TTC3: variants seen among roughly 807,000 people sequenced by gnomAD.
TTC3 encodes tetratricopeptide repeat domain 3, also known as E3 ubiquitin-protein ligase TTC3.
Under a neutral mutation model 249.6 loss-of-function variants are expected in TTC3, and 180 were observed. The observed-to-expected ratio is 0.72, with a 90% CI of 0.64 to 0.82. The LOEUF (loss-of-function observed/expected upper bound fraction) is 0.82. Ranked by LOEUF, TTC3 falls within the 40% of genes least tolerant of loss-of-function variation. The pLI is 0.00. For missense variants in TTC3, 2,061 were observed against 2,398.4 expected (o/e 0.86, Z 2.94); for synonymous variants, 717 against 805.0 (o/e 0.89, Z 1.85).
intron 39 of TTC3, 79 bp from the exon 40 acceptor site, chr21:37,191,255 C>T: frequency 1.1e-6 from 1 of 939,136 alleles, no homozygotes; most frequent in South Asian, 1.8e-5. Flanking sequence ...CTCTTTTGCT[C>T]ATGTTTAGAT....
chr21:37,136,057 G>A (rs1253093664), intron 18 of TTC3, among the ~76,000 whole-genome samples: 1 of 151,996 alleles, frequency 6.6e-6, no homozygotes, highest in Non-Finnish European at 1.5e-5. Context: ...TTATTTTGGG[G>A]CACTACAATC....
At chr21:37,097,477 T>C (rs2074052719) in intron 10 of TTC3, among the ~76,000 whole-genome samples, 1 of 152,166 alleles carries the variant, frequency 6.6e-6, no homozygotes, top group Non-Finnish European at 1.5e-5. Context: ...CCAAGCTACA[T>C]AGGCATAAGG....
chr21:37,180,173 T>C (rs1310391928), intron 35 of TTC3, among the ~76,000 whole-genome samples: 1 of 152,218 alleles, frequency 6.6e-6, no homozygotes, highest in Non-Finnish European at 1.5e-5. Context: ...GGTTTGTTTT[T>C]ATGTTTTATA....
chr21:37,144,943 A>G (rs1054205731), intron 21 of TTC3, among the ~76,000 whole-genome samples: 10 of 152,220 alleles, frequency 6.6e-5, no homozygotes, highest in Admixed American at 1.3e-4. Context: ...TGATGCACTC[A>G]AGGTGAAACA....
intron 1 of TTC3, 84 bp from the exon 2 acceptor site, chr21:37,087,163 T>C: frequency 6.8e-7 from 1 of 1,471,178 alleles, no homozygotes; most frequent in Non-Finnish European, 9.2e-7. Context: ...AGTATTTTTC[T>C]AATATACCAT....
intron 16 of TTC3, among the ~76,000 whole-genome samples, chr21:37,129,692 G>A (rs1267255919): frequency 6.6e-6 from 1 of 152,024 alleles, no homozygotes; most frequent in South Asian, 2.1e-4. Context: ...GTGCAGTGGT[G>A]TAACCCTAGC....
chr21:37,095,814 G>C lies in TTC3; in HGVS notation c.782+370G>C, dbSNP rs184618529. 4.6e-3 allele frequency among the ~76,000 whole-genome samples: 695 copies of C among 152,276 alleles called. 9 individuals carry two copies. The highest frequency in any genetic ancestry group is 6.3e-3 in the Non-Finnish European group (430 of 68,016). ...AATAGTTAAGATGCCACCCATTCAGGGTTTTTTGCTTTCTAAGAGGGAACT... is the reference window on the plus strand; with the variant it reads ...AATAGTTAAGATGCCACCCATTCAGCGTTTTTTGCTTTCTAAGAGGGAACT... On this transcript the variant is annotated intron_variant, in intron 9 of 45. Coordinates refer to ENST00000355666, the Ensembl canonical transcript of TTC3.
intron 36 of TTC3, among the ~76,000 whole-genome samples, chr21:37,185,429 CT>C (rs1248502733): frequency 5.3e-5 from 8 of 152,128 alleles, no homozygotes; most frequent in African/African-American, 1.7e-4. Context: ...GTGTTCTCTG[CT>C]TGAGCTGCAC....
rs2070315910 is a variant in TTC3 at position 37,073,478 on chromosome 21, G to C, written c.-12+114G>C. 1 of 986,220 alleles carries C rather than the reference G, an allele frequency of 1.0e-6. No individual in the cohort carries two copies. Among genetic ancestry groups the C allele is most frequent in the Non-Finnish European group, 1.2e-6 (1 of 830,512 alleles). 61.1% of individuals were successfully genotyped at this position (986,220 alleles called of 1,614,324 possible). On this transcript the variant is annotated intron_variant, in intron 1 of 45. Coordinates refer to ENST00000355666, the Ensembl canonical transcript of TTC3. The stretch of plus-strand genomic sequence containing the variant: ...CACCCCCTCCGTGGGTGTGTGGTGA[G>C]TGTGGGTGTGTGCGCGTCTCCTCGC...
chr21:37,120,080 G>A (rs747917219), intron 11 of TTC3, among the ~76,000 whole-genome samples: 4 of 152,092 alleles, frequency 2.6e-5, no homozygotes, highest in East Asian at 3.8e-4. Flanking sequence ...CACTTCCACC[G>A]TGCCGTCCAT....
chr21:37,126,191 C>T lies in TTC3; in HGVS notation c.1297+48C>T, dbSNP rs200626300. On this transcript the variant is annotated intron_variant, in intron 15 of 45. Transcript: ENST00000355666. ...TTGTTGCCAAGTTAATATAATGTCT[C>T]CTAAATTTGGATGCCCTACAATGTG... is the stretch of plus-strand genomic sequence containing the variant. The T allele has an allele frequency of 7.6e-6, 12 of 1,579,050 alleles. No individual in the cohort carries two copies. In the East Asian group the frequency reaches 2.0e-4, roughly 27 times the overall value.
intron 1 of TTC3, 110 bp downstream of exon 1, chr21:37,073,583 C>A: frequency 1.2e-6 from 1 of 828,272 alleles, no homozygotes. Context: ...TTGCCTACCC[C>A]AGTGGGTTTG....
In TTC3 at chr21:37,105,478, C is replaced by G. The variant is rs770919187; in HGVS notation, c.846-2914C>G. ...AGGATGGCTGCTGTAATTCAGACAT[C>G]TTTAGCAGAAGAAGGACAACTTTGT... On this transcript the variant is annotated intron_variant, in intron 10 of 45. Coordinates refer to ENST00000355666, the Ensembl canonical transcript of TTC3. 3.2e-4 allele frequency among the ~76,000 whole-genome samples: 48 copies of G among 152,152 alleles called. 1 individual carries two copies. The highest frequency in any genetic ancestry group is 6.3e-4 in the Non-Finnish European group (43 of 68,032).
At chr21:37,088,977 A>G in intron 5 of TTC3, 91 bp downstream of exon 5, 1 of 1,122,048 alleles carries the variant, frequency 8.9e-7, no homozygotes. Flanking sequence ...AATTTATAGC[A>G]ATTAACAGGT....
At chr21:37,099,671 G>A (rs2074286167) in intron 10 of TTC3, among the ~76,000 whole-genome samples, 1 of 152,218 alleles carries the variant, frequency 6.6e-6, no homozygotes, top group Admixed American at 6.5e-5. Flanking sequence ...TTGAGAGGAT[G>A]TGGAACAAAG....
chr21:37,073,299 C>CGAA (rs1212371573), exon 1 of TTC3: 5 of 293,788 alleles, frequency 1.7e-5, no homozygotes, highest in Non-Finnish European at 2.3e-5. Context: ...CCGGAGGTGG[C>CGAA]GGCGGCGGCG....
At chr21:37,154,188 G>A (rs1037870192) in intron 27 of TTC3, among the ~76,000 whole-genome samples, 2 of 152,222 alleles carry the variant, frequency 1.3e-5, no homozygotes, top group Non-Finnish European at 2.9e-5. Context: ...GCAGCTATTA[G>A]ATAAGAGGCT....
chr21:37,135,065 A>G (rs1372330893), intron 17 of TTC3, among the ~76,000 whole-genome samples: 2 of 152,206 alleles, frequency 1.3e-5, no homozygotes, highest in Non-Finnish European at 2.9e-5. Context: ...TTTTTCATAT[A>G]TATTGTTAAA....
At chr21:37,094,495 C>T (rs1004895779) in intron 8 of TTC3, among the ~76,000 whole-genome samples, 2 of 152,086 alleles carry the variant, frequency 1.3e-5, no homozygotes, top group Non-Finnish European at 2.9e-5. Context: ...ATTGAGTGTT[C>T]GAAATGAAAA....
Sources: gnomAD v4.1 joint callset for allele counts (sites outside exome capture counted in the v4.1 genomes callset) on GRCh38, gnomAD v4.1.1 for gene constraint, MANE v1.5 for transcripts, NCBI Gene and HGNC (gene_info 2026-07-23, HGNC 2026-07-21) for gene names.